The following HECW2 variants were observed in gnomAD, a reference collection of about 807,000 sequenced individuals.
HECW2 encodes the protein HECT, C2 and WW domain containing E3 ubiquitin protein ligase 2.
Under a neutral mutation model 175.2 loss-of-function variants are expected in HECW2, and 61 were observed. The observed-to-expected ratio is 0.35, with a 90% CI of 0.28 to 0.43. HECW2 has a LOEUF of 0.43. Among genes scored for constraint, HECW2 ranks in the 20% least tolerant of loss-of-function variants. The pLI, the probability that HECW2 is intolerant of heterozygous loss-of-function variation, is 1.00. For synonymous variants in HECW2, 671 were observed against 731.0 expected (o/e 0.92, Z 1.32); for missense variants, 1,524 against 2,000.5 (o/e 0.76, Z 4.54).
At chr2:196,538,185 G>T (rs1002527464) in intron 1 of HECW2, among the ~76,000 whole-genome samples, 10 of 152,116 alleles carry the variant, frequency 6.6e-5, no homozygotes, top group Non-Finnish European at 1.2e-4. Flanking sequence ...TCCACAAAAC[G>T]ATTTGACCTG....
At chr2:196,385,553 C>G (rs1370726435) in intron 2 of HECW2, among the ~76,000 whole-genome samples, 2 of 152,144 alleles carry the variant, frequency 1.3e-5, no homozygotes, top group Admixed American at 6.6e-5. Flanking sequence ...AAAGAGCACT[C>G]TACTCACCTA....
At chr2:196,449,312 C>T (rs1338341277) in intron 1 of HECW2, among the ~76,000 whole-genome samples, 1 of 152,160 alleles carries the variant, frequency 6.6e-6, no homozygotes. Context: ...ACTAGTTTAG[C>T]AATGTATCTA....
intron 2 of HECW2, among the ~76,000 whole-genome samples, chr2:196,344,322 G>A (rs200544378): frequency 3.0e-3 from 202 of 67,604 alleles, no homozygotes; most frequent in South Asian, 6.1e-3. Flanking sequence ...GACAAGATAA[G>A]AAAAAAAAAA....
At chr2:196,295,413 T>C (rs1209529785) in intron 13 of HECW2, among the ~76,000 whole-genome samples, 1 of 152,230 alleles carries the variant, frequency 6.6e-6, no homozygotes, top group Non-Finnish European at 1.5e-5. Flanking sequence ...TGCTGATATA[T>C]TTTCACATAA....
intron 13 of HECW2, among the ~76,000 whole-genome samples, chr2:196,300,428 A>G (rs992662487): frequency 6.6e-6 from 1 of 152,264 alleles, no homozygotes; most frequent in African/African-American, 2.4e-5. Flanking sequence ...TAGCACAAAC[A>G]CACATAACAT....
At chr2:196,381,193 T>C (rs1192148166) in intron 2 of HECW2, among the ~76,000 whole-genome samples, 2 of 152,168 alleles carry the variant, frequency 1.3e-5, no homozygotes. Context: ...TAAGACACTG[T>C]TCTGTGACCA....
intron 1 of HECW2, among the ~76,000 whole-genome samples, chr2:196,441,184 A>G (rs921386121): frequency 3.3e-5 from 5 of 152,206 alleles, no homozygotes; most frequent in African/African-American, 1.2e-4. Context: ...TCTGGAGGTG[A>G]ATGTCAATTT....
chr2:196,343,920 G>A lies in HECW2; in HGVS notation c.293-156C>T, dbSNP rs547293244. Among the ~76,000 whole-genome samples the A allele has an allele frequency of 2.0e-4, 30 of 152,192 alleles. No individual in the cohort carries two copies. In the South Asian group the frequency reaches 5.8e-3, roughly 29 times the overall value. On this transcript the variant is annotated intron_variant, in intron 2 of 28. Transcript: ENST00000644978. ...ACTACCTCCCAGCAGAGTATTACCC[G>A]AGTTTCTGTGCTTGCATTTATGTGG...
chr2:196,238,161 G>A (rs1176949596), intron 21 of HECW2, among the ~76,000 whole-genome samples: 5 of 152,108 alleles, frequency 3.3e-5, no homozygotes, highest in Admixed American at 6.5e-5. Flanking sequence ...CCCAGGAGGC[G>A]GAGGCTGCAG....
At chr2:196,536,106 A>C (rs1383851594) in intron 1 of HECW2, among the ~76,000 whole-genome samples, 1 of 152,178 alleles carries the variant, frequency 6.6e-6, no homozygotes, top group Non-Finnish European at 1.5e-5. Context: ...ACTTCCTAAA[A>C]ACTTTTGGAA....
chr2:196,390,206 T>C (rs915182133), intron 2 of HECW2, among the ~76,000 whole-genome samples: 2 of 152,124 alleles, frequency 1.3e-5, no homozygotes, highest in African/African-American at 4.8e-5. Context: ...AGAAGTTATG[T>C]AGCTTGCCCA....
At chr2:196,547,262 T>C (rs559340276) in intron 1 of HECW2, among the ~76,000 whole-genome samples, 1 of 152,326 alleles carries the variant, frequency 6.6e-6, no homozygotes, top group Admixed American at 6.5e-5. Context: ...TAACCTAGCA[T>C]GTTCAGAAGG....
chr2:196,477,890 G>A (rs1186666741), intron 1 of HECW2, among the ~76,000 whole-genome samples: 13 of 152,032 alleles, frequency 8.6e-5, no homozygotes, highest in African/African-American at 2.7e-4. Flanking sequence ...CGTCTCTACT[G>A]AAAATACAAA....
intron 1 of HECW2, among the ~76,000 whole-genome samples, chr2:196,549,911 T>C (rs2125481896): frequency 1.3e-5 from 2 of 152,294 alleles, no homozygotes; most frequent in Middle Eastern, 3.4e-3. Flanking sequence ...CCAAAGTGTG[T>C]AAATGGCAAG....
intron 15 of HECW2, among the ~76,000 whole-genome samples, chr2:196,276,729 T>C (rs1216959898): frequency 6.6e-6 from 1 of 152,226 alleles, no homozygotes; most frequent in Non-Finnish European, 1.5e-5. Context: ...CAGAAAAATT[T>C]TTGCACATAC....
chr2:196,497,795 T>C (rs531491254), intron 1 of HECW2, among the ~76,000 whole-genome samples: 1 of 152,252 alleles, frequency 6.6e-6, no homozygotes, highest in South Asian at 2.1e-4. Flanking sequence ...CCACAGAGGG[T>C]CCTGCTCCAT....
chr2:196,269,496 C>CAAAAAAAAAAAAAAAAAA (rs66656524), intron 17 of HECW2: 3 of 51,286 alleles, frequency 5.8e-5, no homozygotes, highest in African/African-American at 2.7e-4. Context: ...CCCCTACCTC[C>CAAAAAAAAAAAAAAAAAA]AAAAAAAAAA....
At chr2:196,483,125 T>G (rs1686898342) in intron 1 of HECW2, among the ~76,000 whole-genome samples, 1 of 148,812 alleles carries the variant, frequency 6.7e-6, no homozygotes, top group Non-Finnish European at 1.5e-5. Flanking sequence ...GCACCCTCAT[T>G]TATCGTGTTT....
intron 1 of HECW2, among the ~76,000 whole-genome samples, chr2:196,496,458 G>T (rs1212293595): frequency 6.6e-6 from 1 of 151,860 alleles, no homozygotes. Flanking sequence ...TACATATAAA[G>T]TAGTTCTCAT....
Sources: gnomAD v4.1 joint callset for allele counts (sites outside exome capture counted in the v4.1 genomes callset) on GRCh38, gnomAD v4.1.1 for gene constraint, MANE v1.5 for transcripts, NCBI Gene and HGNC (gene_info 2026-07-23, HGNC 2026-07-21) for gene names.